SLC36A1: variants seen among roughly 807,000 people sequenced by gnomAD.
The protein encoded by SLC36A1 is proton-coupled amino acid transporter 1.
A neutral mutation model predicts 47.5 loss-of-function variants in SLC36A1; 30 were observed. The observed-to-expected ratio is 0.63, with a 90% CI of 0.47 to 0.86. The LOEUF (loss-of-function observed/expected upper bound fraction) is 0.86. Ranked by LOEUF, SLC36A1 falls within the 40% of genes least tolerant of loss-of-function variation. The pLI is 0.00. For missense variants in SLC36A1, 517 were observed against 606.0 expected (o/e 0.85, Z 1.54); for synonymous variants, 255 against 249.7 (o/e 1.02, Z -0.20).
At chr5:151,507,332 G>A in the SLC36A1 span, 1 of 1,614,188 alleles carries the variant, frequency 6.2e-7, no homozygotes, top group Non-Finnish European at 8.5e-7. Context: ...GTTGGTTGAG[G>A]TTGTTGCAGG....
At chr5:151,512,373 C>T in the SLC36A1 span, 1 of 1,614,230 alleles carries the variant, frequency 6.2e-7, no homozygotes, top group Admixed American at 1.7e-5. This position sits in a 1 kb window ranked among gnomAD's most constrained non-coding sequence, Gnocchi z 4.1. Flanking sequence ...AGGAAGAATG[C>T]AACAGAATGA....
At chr5:151,539,917 G>A in the SLC36A1 span, among the ~76,000 whole-genome samples, 1 of 152,192 alleles carries the variant, frequency 6.6e-6, no homozygotes, top group Non-Finnish European at 1.5e-5. Flanking sequence ...TTGTGTCTCT[G>A]TACAAGTGAA....
chr5:151,481,441 C>T (rs1031829156), intron 10 of SLC36A1, among the ~76,000 whole-genome samples: 3 of 152,182 alleles, frequency 2.0e-5, no homozygotes, highest in African/African-American at 4.8e-5. Context: ...TTTGTTCTTG[C>T]TTCTCTGTTC....
chr5:151,530,892 A>G, the SLC36A1 span, among the ~76,000 whole-genome samples: 7 of 152,300 alleles, frequency 4.6e-5, no homozygotes, highest in East Asian at 1.4e-3. Context: ...ATTTTTTAAT[A>G]TGTTCAAAAT....
the SLC36A1 span, chr5:151,540,816 C>T: frequency 6.6e-6 from 10 of 1,510,380 alleles, no homozygotes; most frequent in Non-Finnish European, 9.0e-6. Context: ...ATGAACTAGG[C>T]TTTGTGTCAC....
Position 151,476,671 on chromosome 5 carries a change from C to G in SLC36A1, c.904C>G (p.Leu302Val). 1.2e-6 allele frequency: 2 copies of G among 1,613,624 alleles called. No individual in the cohort carries two copies. The highest frequency in any genetic ancestry group is 8.5e-7 in the Non-Finnish European group (1 of 1,179,766). ...LYLGMVIVTILYISLGCLGYL... is the reference protein window; with the variant it reads ...LYLGMVIVTIVYISLGCLGYL... Reference sequence around the variant, plus strand: ...CCTGGGCATGGTCATCGTCACCATCCTCTACATCAGCCTGGGGTGTCTGGG... The same window carrying G: ...CCTGGGCATGGTCATCGTCACCATCGTCTACATCAGCCTGGGGTGTCTGGG... Residue 302 changes from leucine (L) to valine (V), a missense_variant, in exon 9 of 11, where the codon CTC becomes GTC. Leu to Val is a conservative substitution (Grantham distance 32). Transcript: ENST00000243389.
At chr5:151,402,485 T>C in the SLC36A1 span, among the ~76,000 whole-genome samples, 1 of 152,182 alleles carries the variant, frequency 6.6e-6, no homozygotes, top group Non-Finnish European at 1.5e-5. Flanking sequence ...GGTTTTGGTA[T>C]CAGTATGATA....
chr5:151,498,393 C>G, the SLC36A1 span, among the ~76,000 whole-genome samples: 4 of 152,172 alleles, frequency 2.6e-5, no homozygotes, highest in Admixed American at 6.5e-5. Flanking sequence ...ATGCTAAGCA[C>G]TTTATGTATA....
chr5:151,507,029 A>G, the SLC36A1 span: 2 of 793,084 alleles, frequency 2.5e-6, no homozygotes, highest in South Asian at 1.8e-5. Flanking sequence ...ACATCTCATC[A>G]TGTCCCATCC....
At chr5:151,506,679 CA>C in the SLC36A1 span, among the ~76,000 whole-genome samples, 1 of 152,158 alleles carries the variant, frequency 6.6e-6, no homozygotes, top group Admixed American at 6.5e-5. Flanking sequence ...ATGATTATGC[CA>C]AAACATGAAG....
the SLC36A1 span, among the ~76,000 whole-genome samples, chr5:151,396,177 A>G: frequency 6.6e-6 from 1 of 150,502 alleles, no homozygotes; most frequent in East Asian, 2.0e-4. Context: ...TTTTGGCACA[A>G]TCTTGGCTCA....
chr5:151,405,343 C>CTTTTTTTTT, the SLC36A1 span, among the ~76,000 whole-genome samples: 35 of 85,258 alleles, frequency 4.1e-4, no homozygotes, highest in Admixed American at 5.6e-4. Flanking sequence ...CTCTCTTTCT[C>CTTTTTTTTT]TTTTTTTTTT....
the SLC36A1 span, chr5:151,545,190 C>A: frequency 6.2e-7 from 1 of 1,614,214 alleles, no homozygotes; most frequent in South Asian, 1.1e-5. Flanking sequence ...CCTGCAAGTT[C>A]TCCTTCACAG....
Position 151,458,893 on chromosome 5 carries a change from C to T in SLC36A1, c.101C>T (p.Ser34Phe), listed in dbSNP as rs752180488. The T allele has an allele frequency of 2.5e-6, 4 of 1,613,738 alleles. No individual in the cohort carries two copies. Among genetic ancestry groups the T allele is most frequent in the East Asian group, 2.2e-5 (1 of 44,892 alleles). Residue 34 changes from serine (S) to phenylalanine (F), a missense_variant, in exon 2 of 11, where the codon TCC (serine) becomes TTC (phenylalanine). Transcript: ENST00000243389. ...TCGGAAGGCCTCAACAACCTCTCCT[C>T]CCCGGGCTCCTACCAGCGCTTTGGT... Reference protein sequence around the residue: ...SPSEGLNNLSSPGSYQRFGQS... With the variant: ...SPSEGLNNLSFPGSYQRFGQS...
chr5:151,394,976 T>C, the SLC36A1 span, among the ~76,000 whole-genome samples: 1 of 152,234 alleles, frequency 6.6e-6, no homozygotes, highest in African/African-American at 2.4e-5. Context: ...CTGCCTTTTG[T>C]TTGGCTATGC....
the SLC36A1 span, among the ~76,000 whole-genome samples, chr5:151,344,772 A>T: frequency 1.7e-3 from 266 of 152,336 alleles, 1 homozygote; most frequent in African/African-American, 6.2e-3. Flanking sequence ...AACTGAGGAA[A>T]TGAAGGCTCA....
the SLC36A1 span, chr5:151,505,694 G>A: frequency 1.2e-6 from 2 of 1,613,982 alleles, no homozygotes; most frequent in Non-Finnish European, 1.7e-6. Context: ...CAGCATAAGA[G>A]GGCCCAGCTC....
chr5:151,416,602 A>G, the SLC36A1 span, among the ~76,000 whole-genome samples: 25,539 of 152,154 alleles, frequency 0.17, 2,390 homozygotes, highest in East Asian at 0.38. Context: ...AAAGACTAAA[A>G]AAAAAGAAGA....
At chr5:151,416,710 G>A in the SLC36A1 span, among the ~76,000 whole-genome samples, 43 of 152,310 alleles carry the variant, frequency 2.8e-4, no homozygotes, top group African/African-American at 9.9e-4. Flanking sequence ...TTAGCTACCA[G>A]AATCTGTCCA....
Sources: allele counts gnomAD v4.1 joint callset (sites outside exome capture counted in the v4.1 genomes callset), GRCh38; gene constraint gnomAD v4.1.1; non-coding constraint Gnocchi (gnomAD v3.1); transcripts MANE v1.5; gene names NCBI Gene and HGNC (gene_info 2026-07-23, HGNC 2026-07-21).